GNA13: variants seen among roughly 807,000 people sequenced by gnomAD.
GNA13 encodes the protein guanine nucleotide-binding protein subunit alpha-13.
GNA13 carries 4 observed loss-of-function variants against 33.5 expected under a neutral mutation model. The observed-to-expected ratio is 0.12, with a 90% CI of 0.06 to 0.27. The LOEUF (loss-of-function observed/expected upper bound fraction) is 0.27. GNA13 is among the 10% of genes least tolerant of loss of function. The pLI, the probability that GNA13 is intolerant of heterozygous loss-of-function variation, is 1.00. For synonymous variants in GNA13, 176 were observed against 183.8 expected, an observed-to-expected ratio of 0.96 and a Z score of 0.34; for missense variants, 319 against 487.2, an observed-to-expected ratio of 0.65 and a Z score of 3.25.
At chr17:65,053,861 A>G in intron 1 of GNA13, 133 bp from the exon 2 acceptor site, 1 of 617,328 alleles carries the variant, frequency 1.6e-6, no homozygotes, top group Non-Finnish European at 2.8e-6. Flanking sequence ...GAAGACCAAC[A>G]TCGAAAACAA....
At chr17:65,055,905 G>A (rs951272492) in intron 1 of GNA13, 4 of 224,646 alleles carry the variant, frequency 1.8e-5, no homozygotes, top group Non-Finnish European at 3.0e-5. Context: ...CCGAGCAGGG[G>A]ATGGGGGTGA....
At chr17:65,040,581 C>T (rs1345874348) in intron 2 of GNA13, among the ~76,000 whole-genome samples, 2 of 152,038 alleles carry the variant, frequency 1.3e-5, no homozygotes, top group African/African-American at 2.4e-5. Context: ...CTTGGCTCAC[C>T]GCAACCTCCA....
chr17:65,044,407 G>A lies in GNA13; in HGVS notation c.510+9095C>T, dbSNP rs558278713. Among the ~76,000 whole-genome samples the A allele has an allele frequency of 2.6e-5, 4 of 152,294 alleles. No homozygotes were observed. The East Asian group carries it at 7.7e-4, about 29-fold the overall frequency. Reference sequence around the variant, plus strand: ...GACAAAGGTGAATAGTATATAGCTAGGGAAAAACGAAATACTTTCAAGCAG... The same window carrying A: ...GACAAAGGTGAATAGTATATAGCTAAGGAAAAACGAAATACTTTCAAGCAG... On this transcript the variant is annotated intron_variant, in intron 2 of 3. Coordinates refer to ENST00000439174, the MANE Select transcript of GNA13 (RefSeq NM_006572.6).
chr17:65,040,499 G>C (rs1025957828), intron 2 of GNA13, among the ~76,000 whole-genome samples: 1 of 152,230 alleles, frequency 6.6e-6, no homozygotes, highest in Middle Eastern at 3.4e-3. Context: ...TGAACATACA[G>C]TATTATTTAG....
chr17:65,045,929 T>C (rs750664952), intron 2 of GNA13, among the ~76,000 whole-genome samples: 45 of 152,176 alleles, frequency 3.0e-4, no homozygotes, highest in Non-Finnish European at 4.9e-4. Context: ...ACAGATGCCA[T>C]GTTTGAGTGC....
At chr17:65,036,289 T>A (rs1598491364) in intron 2 of GNA13, among the ~76,000 whole-genome samples, 2 of 152,210 alleles carry the variant, frequency 1.3e-5, no homozygotes, top group East Asian at 3.8e-4. Flanking sequence ...GCACATCAGC[T>A]CCTGTTTCCA....
chr17:65,051,747 A>G (rs75989687), intron 2 of GNA13, among the ~76,000 whole-genome samples: 4,008 of 152,338 alleles, frequency 0.026, 184 homozygotes, highest in African/African-American at 0.09. Context: ...GAAATCTGGG[A>G]ATTGGATGGA....
At position 65,010,349 on chromosome 17, in the gene GNA13, A is replaced by G. The variant is rs1906143769; in HGVS notation, c.*3908T>C. On this transcript the variant is annotated 3_prime_UTR_variant, in exon 4 of 4. Coordinates refer to ENST00000439174, the MANE Select transcript of GNA13 (RefSeq NM_006572.6). ...GACTTAGACTTACACTTCAAGATCT[A>G]GTATACATTTATTAATAAGCCCTAA... is the stretch of plus-strand genomic sequence containing the variant. Among the ~76,000 whole-genome samples the G allele has an allele frequency of 6.6e-6, 1 of 152,080 alleles. No individual in the cohort carries two copies. Among genetic ancestry groups the G allele is most frequent in the African/African-American group, 2.4e-5 (1 of 41,410 alleles).
At chr17:65,049,294 GGTTTTT>G (rs1907778346) in intron 2 of GNA13, among the ~76,000 whole-genome samples, 1 of 151,924 alleles carries the variant, frequency 6.6e-6, no homozygotes, top group Non-Finnish European at 1.5e-5. Context: ...TTTTGGTTTT[GGTTTTT>G]GGTAGAGATG....
intron 2 of GNA13, among the ~76,000 whole-genome samples, chr17:65,038,047 T>C (rs1487722685): frequency 6.6e-6 from 1 of 152,108 alleles, no homozygotes; most frequent in African/African-American, 2.4e-5. Flanking sequence ...TTAAGCTCGT[T>C]GACTTCCAAC....
intron 2 of GNA13, among the ~76,000 whole-genome samples, chr17:65,031,776 G>A (rs1907021527): frequency 6.6e-6 from 1 of 151,820 alleles, no homozygotes; most frequent in Non-Finnish European, 1.5e-5. Context: ...GGGCATGGTG[G>A]TGCATGCCTC....
chr17:65,034,701 C>G (rs1907180567), intron 2 of GNA13, among the ~76,000 whole-genome samples: 1 of 152,044 alleles, frequency 6.6e-6, no homozygotes, highest in Admixed American at 6.6e-5. Context: ...TCTCCTACTA[C>G]AGAAGTCACA....
intron 3 of GNA13, 129 bp downstream of exon 3, chr17:65,018,124 A>AAAAAAAAAG: frequency 4.6e-6 from 1 of 216,006 alleles, no homozygotes; most frequent in Non-Finnish European, 8.8e-6. Flanking sequence ...AAAAAAAAAA[A>AAAAAAAAAG]AAAAAAAAAA....
chr17:65,032,972 G>T (rs1212153613), intron 2 of GNA13, among the ~76,000 whole-genome samples: 1 of 152,040 alleles, frequency 6.6e-6, no homozygotes, highest in Non-Finnish European at 1.5e-5. Context: ...TTAGCCGGGC[G>T]TGGTGGCTGG....
chr17:65,027,189 C>A (rs1052037421), intron 2 of GNA13, among the ~76,000 whole-genome samples: 31 of 152,168 alleles, frequency 2.0e-4, no homozygotes, highest in Non-Finnish European at 4.1e-4. Flanking sequence ...CAATTCTGAT[C>A]TTAACACTAG....
intron 2 of GNA13, among the ~76,000 whole-genome samples, chr17:65,043,108 C>T (rs969277786): frequency 5.9e-5 from 9 of 152,014 alleles, no homozygotes; most frequent in Non-Finnish European, 1.3e-4. Flanking sequence ...ATTCAGAGGC[C>T]GAAGGACTTG....
chr17:65,026,150 T>G (rs951906976), intron 2 of GNA13, among the ~76,000 whole-genome samples: 22 of 151,704 alleles, frequency 1.5e-4, no homozygotes, highest in Admixed American at 2.0e-4. Flanking sequence ...ACTATACAAT[T>G]TTCTATATTT....
At chr17:65,040,377 G>C (rs1398206820) in intron 2 of GNA13, among the ~76,000 whole-genome samples, 2 of 152,188 alleles carry the variant, frequency 1.3e-5, no homozygotes, top group African/African-American at 4.8e-5. Context: ...TGGCAAGCTG[G>C]TAACAGTTAA....
intron 2 of GNA13, among the ~76,000 whole-genome samples, chr17:65,045,557 G>C (rs1466510470): frequency 6.8e-6 from 1 of 147,826 alleles, no homozygotes; most frequent in African/African-American, 2.5e-5. Context: ...TGAAACATCA[G>C]TTGAGAATCA....
Sources: gnomAD v4.1 joint callset for allele counts (sites outside exome capture counted in the v4.1 genomes callset) on GRCh38, gnomAD v4.1.1 for gene constraint, MANE v1.5 for transcripts, NCBI Gene and HGNC (gene_info 2026-07-23, HGNC 2026-07-21) for gene names.